Variants in HPSE2 observed in about 807,000 individuals in gnomAD.
HPSE2 encodes the protein heparanase 2 (inactive).
Under a neutral mutation model 60.5 loss-of-function variants are expected in HPSE2, and 38 were observed. The ratio of observed to expected loss-of-function variants is 0.63; its 90% confidence interval spans 0.48 to 0.82. The LOEUF is 0.82. Among genes scored for constraint, HPSE2 ranks in the 40% least tolerant of loss-of-function variants. HPSE2 has a pLI of 0.00. For missense variants in HPSE2, 713 were observed against 740.4 expected (o/e 0.96, Z 0.43); for synonymous variants, 295 against 293.2 (o/e 1.01, Z -0.06).
intron 3 of HPSE2, among the ~76,000 whole-genome samples, chr10:98,987,433 A>C (rs1453373532): frequency 1.3e-5 from 2 of 152,234 alleles, no homozygotes; most frequent in Non-Finnish European, 2.9e-5. Flanking sequence ...AAGGCCTTTG[A>C]CAAAATTCAA....
chr10:98,756,328 CT>C (rs1353014557), intron 3 of HPSE2, among the ~76,000 whole-genome samples: 1 of 151,812 alleles, frequency 6.6e-6, no homozygotes, highest in Non-Finnish European at 1.5e-5. Context: ...AAAATCAGAG[CT>C]GAACTGAATG....
intron 3 of HPSE2, among the ~76,000 whole-genome samples, chr10:98,928,850 A>AG (rs1282564852): frequency 2.2e-5 from 1 of 45,066 alleles, no homozygotes; most frequent in South Asian, 8.2e-4. Context: ...GGGTGGGGGG[A>AG]GGGGGGAGGG....
intron 2 of HPSE2, among the ~76,000 whole-genome samples, chr10:99,195,868 A>G (rs775635406): frequency 2.8e-4 from 43 of 151,926 alleles, no homozygotes; most frequent in Non-Finnish European, 5.6e-4. Context: ...CCTAAAATTT[A>G]TATGGAACCA....
chr10:99,089,512 T>C (rs1564797580), intron 3 of HPSE2, among the ~76,000 whole-genome samples: 2 of 152,220 alleles, frequency 1.3e-5, no homozygotes, highest in Non-Finnish European at 2.9e-5. Context: ...GGGTTCTCTA[T>C]TCTGTTCCAT....
intron 8 of HPSE2, among the ~76,000 whole-genome samples, chr10:98,619,060 G>A (rs920967914): frequency 6.6e-6 from 1 of 152,122 alleles, no homozygotes; most frequent in African/African-American, 2.4e-5. Context: ...CTTCATCTGC[G>A]TTTGCCAGAA....
At chr10:98,485,550 T>C (rs534445210) in intron 10 of HPSE2, among the ~76,000 whole-genome samples, 1 of 151,748 alleles carries the variant, frequency 6.6e-6, no homozygotes, top group Admixed American at 6.6e-5. Context: ...CAGACTTATG[T>C]CCCCAGAACT....
At chr10:98,776,162 G>C (rs2785231) in intron 3 of HPSE2, among the ~76,000 whole-genome samples, 8,243 of 152,038 alleles carry the variant, frequency 0.054, 718 homozygotes, top group African/African-American at 0.18. Flanking sequence ...GCCAGGCACA[G>C]TGGCCCACGC....
intron 6 of HPSE2, among the ~76,000 whole-genome samples, chr10:98,646,819 A>T (rs1294590083): frequency 6.6e-6 from 1 of 152,370 alleles, no homozygotes; most frequent in African/African-American, 2.4e-5. Context: ...TAGACGAATT[A>T]GAGAATGAAC....
At chr10:98,858,655 G>T (rs570366840) in intron 3 of HPSE2, among the ~76,000 whole-genome samples, 7 of 152,186 alleles carry the variant, frequency 4.6e-5, no homozygotes, top group African/African-American at 1.7e-4. Context: ...AATGGCAGTT[G>T]GTATTACAAA....
At chr10:98,817,106 G>C (rs962227285) in intron 3 of HPSE2, among the ~76,000 whole-genome samples, 2 of 151,978 alleles carry the variant, frequency 1.3e-5, no homozygotes, top group Admixed American at 6.6e-5. Context: ...TTGGGAATTT[G>C]GGGACGTTGT....
chr10:99,198,146 A>G (rs550243505), intron 2 of HPSE2, among the ~76,000 whole-genome samples: 28 of 152,318 alleles, frequency 1.8e-4, no homozygotes, highest in African/African-American at 6.3e-4. Flanking sequence ...TTGAGGAATA[A>G]AAAACAATCA....
the HPSE2 span, among the ~76,000 whole-genome samples, chr10:99,306,988 G>A: frequency 6.6e-6 from 1 of 152,176 alleles, no homozygotes; most frequent in Non-Finnish European, 1.5e-5. Context: ...GGGATTACAG[G>A]TGTGAGCCAC....
chr10:98,685,114 A>C (rs887509847), intron 6 of HPSE2, among the ~76,000 whole-genome samples: 1 of 152,172 alleles, frequency 6.6e-6, no homozygotes, highest in Admixed American at 6.6e-5. Context: ...TTTTTCATAA[A>C]TATATCAGTC....
chr10:98,675,810 G>A (rs1173495880), intron 6 of HPSE2, among the ~76,000 whole-genome samples: 1 of 152,148 alleles, frequency 6.6e-6, no homozygotes, highest in Non-Finnish European at 1.5e-5. Flanking sequence ...TGGGAGGATT[G>A]CGTGAGCCCA....
At chr10:98,594,787 T>C (rs588294) in intron 9 of HPSE2, among the ~76,000 whole-genome samples, 139,434 of 152,244 alleles carry the variant, frequency 0.92, 64,749 homozygotes, top group East Asian at 1. Flanking sequence ...ATCTCTTCAA[T>C]GTATTGATTT....
chr10:99,294,429 T>C, the HPSE2 span, among the ~76,000 whole-genome samples: 1 of 146,192 alleles, frequency 6.8e-6, no homozygotes, highest in Admixed American at 6.9e-5. Flanking sequence ...ATATAATATA[T>C]AATATATACA....
intron 3 of HPSE2, among the ~76,000 whole-genome samples, chr10:99,040,830 T>C (rs1425417813): frequency 1.3e-5 from 2 of 152,208 alleles, no homozygotes; most frequent in African/African-American, 4.8e-5. Flanking sequence ...CTCACGCCTG[T>C]AATCCCAGCA....
intron 3 of HPSE2, among the ~76,000 whole-genome samples, chr10:98,989,326 A>G (rs1817042250): frequency 6.6e-6 from 1 of 152,226 alleles, no homozygotes; most frequent in African/African-American, 2.4e-5. Context: ...ATAAAAAATG[A>G]TGAGTTCATG....
chr10:98,682,618 T>C (rs1257159624), intron 6 of HPSE2, among the ~76,000 whole-genome samples: 1 of 152,092 alleles, frequency 6.6e-6, no homozygotes, highest in Non-Finnish European at 1.5e-5. Context: ...ATACTACATA[T>C]CATTAGGCCA....
Sources: gnomAD v4.1 joint callset for allele counts (sites outside exome capture counted in the v4.1 genomes callset) on GRCh38, gnomAD v4.1.1 for gene constraint, MANE v1.5 for transcripts, NCBI Gene and HGNC (gene_info 2026-07-23, HGNC 2026-07-21) for gene names.